The following SEC22C variants were observed in gnomAD, a reference collection of about 807,000 sequenced individuals.
SEC22C encodes vesicle-trafficking protein SEC22c.
Under a neutral mutation model 34.7 loss-of-function variants are expected in SEC22C, and 29 were observed. The ratio of observed to expected loss-of-function variants is 0.84; its 90% CI spans 0.62 to 1.14. The LOEUF (loss-of-function observed/expected upper bound fraction) is 1.14. Ranked by LOEUF, SEC22C falls within the 50% of genes most tolerant of loss-of-function variation. The pLI, the probability that SEC22C is intolerant of heterozygous loss-of-function variation, is 0.00. For missense variants in SEC22C, 337 were observed against 369.0 expected (o/e 0.91, Z 0.71); for synonymous variants, 117 against 132.8 (o/e 0.88, Z 0.82).
chr3:42,596,657 T>C (rs1288932143), intron 1 of SEC22C, among the ~76,000 whole-genome samples: 2 of 152,254 alleles, frequency 1.3e-5, no homozygotes, highest in East Asian at 1.9e-4. Context: ...CCAAATTGCA[T>C]ACTTTTATCT....
Position 42,552,975 on chromosome 3 carries a change from G to T in SEC22C, c.*273C>A. 1 of 1,241,466 alleles carries T rather than the reference G, an allele frequency of 8.1e-7. No homozygotes were observed. The highest frequency in any genetic ancestry group is 1.0e-6 in the Non-Finnish European group (1 of 988,974). 76.9% of individuals were successfully genotyped at this position (1,241,466 alleles called of 1,614,324 possible). A position where few individuals can be genotyped will look rare whatever the true frequency, so the allele number is the denominator to read the frequency against. On this transcript the variant is annotated 3_prime_UTR_variant, in exon 7 of 7. Transcript: ENST00000264454. ...TATTTCCTTTCTCTCTTCCAATAAA[G>T]CTCTTTCTGGATGAGCCCCCAGATC...
intron 1 of SEC22C, among the ~76,000 whole-genome samples, chr3:42,589,884 C>T (rs371551517): frequency 1.3e-5 from 2 of 152,192 alleles, no homozygotes; most frequent in African/African-American, 4.8e-5. Flanking sequence ...AACCATGTGG[C>T]CCAAGAAGGT....
chr3:42,584,289 CTG>C (rs1379574122), upstream of SEC22C, among the ~76,000 whole-genome samples: 1 of 152,214 alleles, frequency 6.6e-6, no homozygotes, highest in East Asian at 1.9e-4. Flanking sequence ...GAGTCTCACT[CTG>C]TGGCCTAGGT....
chr3:42,548,731 G>A lies in SEC22C; in HGVS notation c.*4517C>T, dbSNP rs937890429. The stretch of plus-strand genomic sequence containing the variant: ...GTGAAAGGCAGGTCCAGGGTGGGAA[G>A]AAGAGGGGCTGCTACCTTTTGGAGT... On this transcript the variant is annotated 3_prime_UTR_variant, in exon 7 of 7. Coordinates refer to ENST00000264454, the MANE Select transcript of SEC22C (RefSeq NM_032970.4). 11 of 1,608,204 alleles carry A rather than the reference G, an allele frequency of 6.8e-6. No homozygotes were observed. In the South Asian group the frequency reaches 1.1e-4, roughly 16 times the overall value.
Position 42,561,258 on chromosome 3 carries a change from C to G in SEC22C, c.385G>C (p.Val129Leu), listed in dbSNP as rs1577311040. 6.2e-7 allele frequency: 1 copy of G among 1,614,206 alleles called. No individual in the cohort carries two copies. Among genetic ancestry groups the G allele is most frequent in the Non-Finnish European group, 8.5e-7 (1 of 1,180,020 alleles). ...CTGCACTCCATCTGAGAGGAACTTA[C>G]ATAGTTAAAATGCCACTTCACTTTC... ...IQKVKWHFNY[V>L]SSSQMECSLE... is the part of the protein sequence containing the mutation. Residue 129 changes from valine to leucine, a missense_variant, in exon 4 of 7, where the codon GTA (valine) becomes CTA (leucine). Physicochemically the swap from Val to Leu is conservative, Grantham distance 32. Transcript: ENST00000264454.
chr3:42,563,502 A>G (rs1703047965), intron 3 of SEC22C, 21 bp downstream of exon 3: 2 of 1,594,388 alleles, frequency 1.3e-6, no homozygotes, highest in South Asian at 1.1e-5. Context: ...AGAAAAATAA[A>G]TATGAAAGAG....
Position 42,589,170 on chromosome 3 carries a change from G to T in SEC22C, c.-28+11790C>A, listed in dbSNP as rs12054430. On this transcript the variant is annotated intron_variant, in intron 1 of 6. Transcript: ENST00000417572. ...TGTAATTCCAGCTACTCAGCAGGCT[G>T]AGGCAGGAGAATCGCTTGAACCCGG... 3.4e-4 allele frequency among the ~76,000 whole-genome samples: 51 copies of T among 152,180 alleles called. No individual in the cohort carries two copies. In the East Asian group the frequency reaches 9.1e-3, roughly 27 times the overall value.
chr3:42,561,381 CT>C (rs988170052), intron 3 of SEC22C, 85 bp from the exon 4 acceptor site: 139 of 1,417,080 alleles, frequency 9.8e-5, no homozygotes, highest in Middle Eastern at 2.3e-4. Flanking sequence ...GTTCACATTT[CT>C]TTTTTTTGAA....
At position 42,551,656 on chromosome 3, in the gene SEC22C, G is replaced by T; in HGVS notation, c.*1592C>A. 1 of 959,012 alleles carries T rather than the reference G, an allele frequency of 1.0e-6. No homozygotes were observed. The highest frequency in any genetic ancestry group is 1.2e-6 in the Non-Finnish European group (1 of 805,904). The allele number at this position is 959,012 out of a possible 1,614,324, so 59.4% of individuals were successfully genotyped here. Reference sequence around the variant, plus strand: ...CCTGGCCCATATCCAAATATTTTATGTTTGGTCAAAAATAGAAAATTCTAT... The same window carrying T: ...CCTGGCCCATATCCAAATATTTTATTTTTGGTCAAAAATAGAAAATTCTAT... On this transcript the variant is annotated 3_prime_UTR_variant, in exon 7 of 7. Transcript: ENST00000264454.
chr3:42,555,791 A>T, intron 6 of SEC22C, 139 bp downstream of exon 6: 1 of 706,154 alleles, frequency 1.4e-6, no homozygotes, highest in Non-Finnish European at 2.5e-6. Context: ...GTCCTCCACT[A>T]AGGGCTTGGT....
intron 1 of SEC22C, among the ~76,000 whole-genome samples, chr3:42,574,504 A>C (rs1289279252): frequency 6.6e-6 from 1 of 152,344 alleles, no homozygotes; most frequent in East Asian, 1.9e-4. Flanking sequence ...GAAGAAAGAA[A>C]GAACAACAGA....
intron 1 of SEC22C, among the ~76,000 whole-genome samples, chr3:42,576,017 ATGACCACAG>A (rs2125721737): frequency 6.6e-6 from 1 of 152,346 alleles, no homozygotes; most frequent in Non-Finnish European, 1.5e-5. Context: ...AGTGTGTTAT[ATGACCACAG>A]TGTAATCAAA....
chr3:42,560,096 T>TTCTCTCTC (rs4016302), intron 4 of SEC22C, among the ~76,000 whole-genome samples: 1 of 138,702 alleles, frequency 7.2e-6, no homozygotes, highest in Admixed American at 7.4e-5. Flanking sequence ...ATGATAAGGA[T>TTCTCTCTC]TCTCTCTCTC....
chr3:42,588,804 G>A (rs1704709182), intron 1 of SEC22C, among the ~76,000 whole-genome samples: 1 of 152,090 alleles, frequency 6.6e-6, no homozygotes, highest in East Asian at 1.9e-4. Flanking sequence ...TGCTCCTGAT[G>A]TTTCCTTTTC....
In SEC22C at chr3:42,549,086, C is replaced by G. The variant is rs900696304; in HGVS notation, c.*4162G>C. ...CTGACGGTCAGCTGACTGGTGCACT[C>G]TTTCCCTCACCTTCTCTCTCAAGGG... On this transcript the variant is annotated 3_prime_UTR_variant, in exon 7 of 7. Coordinates refer to ENST00000264454, the MANE Select transcript of SEC22C (RefSeq NM_032970.4). 2 of 998,330 alleles carry G rather than the reference C, an allele frequency of 2.0e-6. No individual in the cohort carries two copies. The highest frequency in any genetic ancestry group is 3.4e-5 in the African/African-American group (2 of 57,974). The allele number at this position is 998,330 out of a possible 1,614,324, so 61.8% of individuals were successfully genotyped here.
chr3:42,550,258 A>G lies in SEC22C; in HGVS notation c.*2990T>C. 1 of 985,462 alleles carries G rather than the reference A, an allele frequency of 1.0e-6. No individual in the cohort carries two copies. The highest frequency in any genetic ancestry group is 1.2e-6 in the Non-Finnish European group (1 of 829,944). The allele number at this position is 985,462 out of a possible 1,614,324, so 61.0% of individuals were successfully genotyped here. A position where few individuals can be genotyped will look rare whatever the true frequency, so the allele number is the denominator to read the frequency against. ...TTTTGTTTTCAACATTATTTCATCT[A>G]TTCCCAGATCTAGTCCAGTGATGTC... On this transcript the variant is annotated 3_prime_UTR_variant, in exon 7 of 7. Coordinates refer to ENST00000264454, the MANE Select transcript of SEC22C (RefSeq NM_032970.4).
At position 42,550,843 on chromosome 3, in the gene SEC22C, T is replaced by A; in HGVS notation, c.*2405A>T. 2.0e-6 allele frequency: 2 copies of A among 982,848 alleles called. No individual in the cohort carries two copies. Among genetic ancestry groups the A allele is most frequent in the Non-Finnish European group, 2.4e-6 (2 of 829,484 alleles). The allele number at this position is 982,848 out of a possible 1,614,324, so 60.9% of individuals were successfully genotyped here. On this transcript the variant is annotated 3_prime_UTR_variant, in exon 7 of 7. Coordinates refer to ENST00000264454, the MANE Select transcript of SEC22C (RefSeq NM_032970.4). ...AATGCCACATAGGAAAAGAAAACAG[T>A]CCATTTTTAAGCCGTTCTTACCGAC...
chr3:42,553,713 T>C (rs1335899848), intron 6 of SEC22C, among the ~76,000 whole-genome samples: 3 of 152,054 alleles, frequency 2.0e-5, no homozygotes, highest in Non-Finnish European at 4.4e-5. Flanking sequence ...GTTAAAGAAA[T>C]AGACAGAAAT....
intron 1 of SEC22C, among the ~76,000 whole-genome samples, 177 bp downstream of exon 1, chr3:42,581,669 C>A (rs1259269388): frequency 1.3e-5 from 2 of 152,232 alleles, no homozygotes; most frequent in African/African-American, 4.8e-5. Flanking sequence ...AGAAAGGGGA[C>A]AGAGGACTCC....
Sources: allele counts gnomAD v4.1 joint callset (sites outside exome capture counted in the v4.1 genomes callset), GRCh38; gene constraint gnomAD v4.1.1; transcripts MANE v1.5; gene names NCBI Gene and HGNC (gene_info 2026-07-23, HGNC 2026-07-21).